Variants in ARHGAP15 observed in about 807,000 individuals in gnomAD.
The protein encoded by ARHGAP15 is rho GTPase-activating protein 15.
Under a neutral mutation model 63.7 loss-of-function variants are expected in ARHGAP15, and 51 were observed. That is an observed-to-expected ratio of 0.80 (90% confidence interval 0.64 to 1.01). The LOEUF (loss-of-function observed/expected upper bound fraction) is 1.01, where lower values mean the gene tolerates loss of function less well. Ranked by LOEUF, ARHGAP15 falls within the 50% of genes least tolerant of loss-of-function variation. ARHGAP15 has a pLI of 0.00. For missense variants in ARHGAP15, 560 were observed against 564.6 expected (o/e 0.99, Z 0.08); for synonymous variants, 191 against 193.8 (o/e 0.99, Z 0.12).
Position 143,387,967 on chromosome 2 carries a change from G to A in ARHGAP15, c.475-47634G>A, listed in dbSNP as rs568045913. 2.0e-5 allele frequency among the ~76,000 whole-genome samples: 3 copies of A among 151,862 alleles called. No individual in the cohort carries two copies. The East Asian group carries it at 5.8e-4, about 29-fold the overall frequency. ...TACACACACAAGCAAATGATATTTA[G>A]AAGATCTCTTAAACAGGCCCACTGA... On this transcript the variant is annotated intron_variant, in intron 6 of 13. Coordinates refer to ENST00000295095, the MANE Select transcript of ARHGAP15 (RefSeq NM_018460.4).
At chr2:143,536,408 A>T (rs151022631) in intron 10 of ARHGAP15, among the ~76,000 whole-genome samples, 3,886 of 152,036 alleles carry the variant, frequency 0.026, 84 homozygotes, top group Non-Finnish European at 0.04. Flanking sequence ...GTTTTAGGGT[A>T]CATGTGCACA....
chr2:143,346,210 ACACTCT>A (rs1685277379), intron 6 of ARHGAP15, among the ~76,000 whole-genome samples: 23 of 134,162 alleles, frequency 1.7e-4, no homozygotes, highest in East Asian at 1.4e-3. Context: ...TCTCACACAC[ACACTCT>A]CTCTCACACA....
chr2:143,743,319 G>A (rs1031023726), intron 13 of ARHGAP15, among the ~76,000 whole-genome samples: 1 of 152,136 alleles, frequency 6.6e-6, no homozygotes, highest in Non-Finnish European at 1.5e-5. Context: ...ACAAGGCAAG[G>A]ACTGAATACA....
intron 2 of ARHGAP15, among the ~76,000 whole-genome samples, chr2:143,195,184 C>T: frequency 6.6e-6 from 1 of 151,394 alleles, no homozygotes; most frequent in Non-Finnish European, 1.5e-5. Flanking sequence ...CAATAATAAA[C>T]AATCAAAAGA....
At chr2:143,155,240 G>T (rs957222733) in intron 1 of ARHGAP15, among the ~76,000 whole-genome samples, 3 of 151,950 alleles carry the variant, frequency 2.0e-5, no homozygotes, top group Non-Finnish European at 2.9e-5. Context: ...ACAGTCTATC[G>T]TTGTGCTACC....
intron 12 of ARHGAP15, among the ~76,000 whole-genome samples, chr2:143,679,665 G>A (rs1467204187): frequency 2.7e-5 from 2 of 72,852 alleles, no homozygotes; most frequent in Non-Finnish European, 6.7e-5. Flanking sequence ...GTGTGTGTGT[G>A]TGTGTGTGTG....
chr2:143,421,822 C>A (rs1688936637), intron 6 of ARHGAP15, among the ~76,000 whole-genome samples: 1 of 146,098 alleles, frequency 6.8e-6, no homozygotes, highest in African/African-American at 2.6e-5. Context: ...CATTATTATA[C>A]ATTGAATAAT....
intron 6 of ARHGAP15, among the ~76,000 whole-genome samples, chr2:143,334,863 G>GT (rs761606728): frequency 6.6e-5 from 10 of 152,204 alleles, no homozygotes; most frequent in Non-Finnish European, 1.0e-4. Context: ...GGCCAAGGTG[G>GT]TTGGATCATC....
intron 12 of ARHGAP15, among the ~76,000 whole-genome samples, chr2:143,675,692 C>A (rs1682791154): frequency 6.6e-6 from 1 of 152,158 alleles, no homozygotes; most frequent in African/African-American, 2.4e-5. Context: ...TTCTGTAAAC[C>A]ATGCTACGAA....
intron 6 of ARHGAP15, among the ~76,000 whole-genome samples, chr2:143,282,342 A>T (rs1411057964): frequency 6.6e-6 from 1 of 152,116 alleles, no homozygotes; most frequent in East Asian, 1.9e-4. Context: ...CATACCCAAG[A>T]CTGGGTAGTT....
At chr2:143,406,729 G>A (rs1688214325) in intron 6 of ARHGAP15, among the ~76,000 whole-genome samples, 1 of 151,842 alleles carries the variant, frequency 6.6e-6, no homozygotes, top group African/African-American at 2.4e-5. Flanking sequence ...CATAATACAT[G>A]AATTTCATAT....
intron 2 of ARHGAP15, among the ~76,000 whole-genome samples, chr2:143,194,166 C>T (rs2105096005): frequency 6.6e-6 from 1 of 152,176 alleles, no homozygotes; most frequent in South Asian, 2.1e-4. Flanking sequence ...TTCTATGTTG[C>T]TTTCTTATGA....
chr2:143,634,005 A>G (rs1349052109), intron 12 of ARHGAP15, among the ~76,000 whole-genome samples: 1 of 152,082 alleles, frequency 6.6e-6, no homozygotes, highest in Non-Finnish European at 1.5e-5. Flanking sequence ...GCATGATTCT[A>G]GTTCTAAAAT....
chr2:143,133,302 TAGAC>T (rs1323725484), intron 1 of ARHGAP15, among the ~76,000 whole-genome samples: 1 of 152,182 alleles, frequency 6.6e-6, no homozygotes, highest in Non-Finnish European at 1.5e-5. Flanking sequence ...CCAGTTTTGT[TAGAC>T]AGAAGTATAG....
intron 13 of ARHGAP15, among the ~76,000 whole-genome samples, chr2:143,750,976 A>G (rs1686349874): frequency 6.6e-6 from 1 of 152,222 alleles, no homozygotes; most frequent in Admixed American, 6.5e-5. Context: ...TCTAGGCTCC[A>G]CATTAGATGT....
At chr2:143,137,458 A>G (rs1689193071) in intron 1 of ARHGAP15, among the ~76,000 whole-genome samples, 1 of 152,096 alleles carries the variant, frequency 6.6e-6, no homozygotes, top group South Asian at 2.1e-4. Context: ...AGCTAGAAAT[A>G]TATTTCAAAT....
intron 6 of ARHGAP15, among the ~76,000 whole-genome samples, chr2:143,428,262 G>C (rs1428669212): frequency 1.3e-5 from 2 of 151,892 alleles, no homozygotes; most frequent in Non-Finnish European, 2.9e-5. Context: ...GGGACAGCTG[G>C]GGAACCAAAA....
At chr2:143,536,455 G>T (rs1428288819) in intron 10 of ARHGAP15, among the ~76,000 whole-genome samples, 1 of 151,620 alleles carries the variant, frequency 6.6e-6, no homozygotes, top group Admixed American at 6.6e-5. Context: ...CATGTGCCAT[G>T]TTGGGGTGCT....
intron 11 of ARHGAP15, among the ~76,000 whole-genome samples, chr2:143,598,163 T>C (rs999552211): frequency 1.3e-5 from 2 of 152,156 alleles, no homozygotes; most frequent in Admixed American, 6.6e-5. Flanking sequence ...ATAAGCTACA[T>C]TATCCCAGCA....
Sources: allele counts gnomAD v4.1 joint callset (sites outside exome capture counted in the v4.1 genomes callset), GRCh38; gene constraint gnomAD v4.1.1; transcripts MANE v1.5; gene names NCBI Gene and HGNC (gene_info 2026-07-23, HGNC 2026-07-21).